The following NPC1 variants were observed in gnomAD, a reference collection of about 807,000 sequenced individuals.
NPC1 encodes the protein NPC intracellular cholesterol transporter 1.
In NPC1, 85 loss-of-function variants were observed where a neutral mutation model predicts 140.4. That is an observed-to-expected ratio of 0.61 (90% CI 0.51 to 0.72). The LOEUF (loss-of-function observed/expected upper bound fraction) is 0.72, where lower values mean the gene tolerates loss of function less well. NPC1 is among the 30% of genes least tolerant of loss of function. The pLI is 0.00. For missense variants in NPC1, 1,504 were observed against 1,623.8 expected, an observed-to-expected ratio of 0.93 and a Z score of 1.27; for synonymous variants, 656 against 624.8, an observed-to-expected ratio of 1.05 and a Z score of -0.74.
At chr18:23,520,446 C>T (rs2058113904), downstream of NPC1, 2 of 751,862 alleles carry the variant, frequency 2.7e-6, no homozygotes, top group Admixed American at 5.8e-5. Context: ...CTGATTTTGC[C>T]AGGGGCCATT....
chr18:23,519,114 G>A (rs760305045), downstream of NPC1: 34 of 1,614,024 alleles, frequency 2.1e-5, no homozygotes, highest in Middle Eastern at 1.6e-4. Context: ...TAAATAGGAC[G>A]GGAAAGTTTG....
chr18:23,507,123 A>C (rs1176301064), intron 3 of NPC1: 27 of 1,106,834 alleles, frequency 2.4e-5, no homozygotes, highest in Non-Finnish European at 3.3e-5. Context: ...AGGAATCGCA[A>C]ATTTTCAGTG....
intron 22 of NPC1, 73 bp from the exon 23 acceptor site, chr18:23,534,632 A>T: frequency 8.4e-6 from 10 of 1,197,134 alleles, no homozygotes; most frequent in Non-Finnish European, 1.2e-5. Context: ...CGTTCTGAGG[A>T]TGGGTGCTAA....
intron 6 of NPC1, among the ~76,000 whole-genome samples, chr18:23,559,049 A>T (rs2058997547): frequency 6.6e-6 from 1 of 152,212 alleles, no homozygotes; most frequent in African/African-American, 2.4e-5. Context: ...AAAGGACATG[A>T]ACTCATCATT....
chr18:23,586,229 C>T, intron 1 of NPC1, 58 bp downstream of exon 1: 1 of 1,517,900 alleles, frequency 6.6e-7, no homozygotes, highest in Non-Finnish European at 8.8e-7. Context: ...GTCGCCTTCC[C>T]CGGCTCTCGG....
chr18:23,548,611 G>A (rs1407980793), intron 10 of NPC1, among the ~76,000 whole-genome samples: 1 of 152,008 alleles, frequency 6.6e-6, no homozygotes, highest in African/African-American at 2.4e-5. Flanking sequence ...CTTGGAGACT[G>A]CTCCATAAAG....
At chr18:23,584,879 G>T (rs2059397697) in intron 1 of NPC1, among the ~76,000 whole-genome samples, 1 of 152,002 alleles carries the variant, frequency 6.6e-6, no homozygotes, top group South Asian at 2.1e-4. Context: ...GCCTATTTAA[G>T]GTCCTGATCT....
intron 1 of NPC1, among the ~76,000 whole-genome samples, chr18:23,578,441 G>A (rs576139956): frequency 2.6e-5 from 4 of 152,272 alleles, no homozygotes; most frequent in Non-Finnish European, 4.4e-5. Context: ...GCAAGAGCAC[G>A]AGCACCTGTG....
At chr18:23,566,402 T>C (rs1044464064) in intron 4 of NPC1, among the ~76,000 whole-genome samples, 3 of 152,084 alleles carry the variant, frequency 2.0e-5, no homozygotes, top group Non-Finnish European at 4.4e-5. Flanking sequence ...AGTACTGCAC[T>C]ATTCAGAACA....
chr18:23,552,266 G>A (rs2145435587), intron 9 of NPC1, among the ~76,000 whole-genome samples: 1 of 152,064 alleles, frequency 6.6e-6, no homozygotes, highest in South Asian at 2.1e-4. Flanking sequence ...AGTCCAGCCT[G>A]GACAACATAG....
chr18:23,535,175 A>G (rs1038512951), intron 22 of NPC1, among the ~76,000 whole-genome samples: 4 of 152,186 alleles, frequency 2.6e-5, no homozygotes. Flanking sequence ...CAGAGGCACC[A>G]TCAGGTATAC....
intron 24 of NPC1, chr18:23,532,930 GAAGA>G (rs1167591758): frequency 1.0e-6 from 1 of 985,260 alleles, no homozygotes; most frequent in East Asian, 1.1e-4. Context: ...GTCTCGAGAT[GAAGA>G]AAGGCAGCAA....
chr18:23,540,063 G>A (rs761250066), intron 17 of NPC1, 62 bp from the exon 18 acceptor site: 46 of 1,423,844 alleles, frequency 3.2e-5, no homozygotes, highest in African/African-American at 2.0e-4. Context: ...TAAGCAAGGC[G>A]AGGATCATGG....
rs761459069 is a variant in NPC1 at position 23,554,881 on chromosome 18, G to T, written c.1430C>A (p.Thr477Lys). Residue 477 changes from threonine to lysine, a missense_variant, in exon 9 of 25, where the codon ACG becomes AAG. Physicochemically the swap from Thr to Lys is moderately conservative, Grantham distance 78 (BLOSUM62 -1). Transcript: ENST00000269228. ...TAACACACTCAAAATGGTGCAGTTC[G>T]TGTTATACGGTGAAAGAGGGGCCAA... is the stretch of plus-strand genomic sequence containing the variant. The part of the protein sequence containing the change: ...ICLAPLSPYN[T>K]NCTILSVLNY... 1 of 1,614,004 alleles carries T rather than the reference G, an allele frequency of 6.2e-7. No homozygotes were observed. The highest frequency in any genetic ancestry group is 1.1e-5 in the South Asian group (1 of 91,076).
At chr18:23,533,919 C>G (rs1001852686) in intron 23 of NPC1, 3 of 331,930 alleles carry the variant, frequency 9.0e-6, no homozygotes, top group Non-Finnish European at 1.7e-5. Flanking sequence ...AGAGGTATGA[C>G]CAAGTTAAAA....
downstream of NPC1, chr18:23,520,052 C>A (rs1417699957): frequency 3.3e-6 from 2 of 609,978 alleles, no homozygotes; most frequent in Admixed American, 6.0e-5. Context: ...ATGTTAATGA[C>A]AAATTCCTTC....
chr18:23,563,673 C>T (rs1484410177), intron 4 of NPC1, among the ~76,000 whole-genome samples: 3 of 152,142 alleles, frequency 2.0e-5, no homozygotes, highest in African/African-American at 4.8e-5. Flanking sequence ...CTTGGCCGTC[C>T]GAAGTGCTGG....
At chr18:23,566,406 C>T (rs1403784600) in intron 4 of NPC1, among the ~76,000 whole-genome samples, 1 of 152,004 alleles carries the variant, frequency 6.6e-6, no homozygotes, top group Non-Finnish European at 1.5e-5. Context: ...CTGCACTATT[C>T]AGAACAACTG....
At chr18:23,564,230 C>T (rs368459523) in intron 4 of NPC1, among the ~76,000 whole-genome samples, 40 of 152,092 alleles carry the variant, frequency 2.6e-4, no homozygotes, top group African/African-American at 8.7e-4. Flanking sequence ...GTGATCCACC[C>T]GCCTTGGCCC....
Sources: allele counts gnomAD v4.1 joint callset (sites outside exome capture counted in the v4.1 genomes callset), GRCh38; gene constraint gnomAD v4.1.1; transcripts MANE v1.5; gene names NCBI Gene and HGNC (gene_info 2026-07-23, HGNC 2026-07-21).